Variants in DEUP1 observed in about 807,000 individuals in gnomAD.
The protein encoded by DEUP1 is coiled-coil domain containing 67.
A neutral mutation model predicts 87.4 loss-of-function variants in DEUP1; 82 were observed. The ratio of observed to expected loss-of-function variants is 0.94; its 90% CI spans 0.78 to 1.13. The LOEUF (loss-of-function observed/expected upper bound fraction) is 1.13, where lower values mean the gene tolerates loss of function less well. DEUP1 is among the 50% of genes most tolerant of loss of function. The pLI, the probability that DEUP1 is intolerant of heterozygous loss-of-function variation, is 0.00. For missense variants in DEUP1, 663 were observed against 681.5 expected (o/e 0.97, Z 0.30); for synonymous variants, 214 against 222.7 (o/e 0.96, Z 0.35).
chr11:93,332,549 C>T (rs1489365019), intron 2 of DEUP1, among the ~76,000 whole-genome samples: 2 of 152,136 alleles, frequency 1.3e-5, no homozygotes, highest in Admixed American at 6.5e-5. Context: ...GTGGTGGATG[C>T]GGAGGCAGGC....
intron 2 of DEUP1, among the ~76,000 whole-genome samples, chr11:93,337,553 C>T (rs1943835395): frequency 6.6e-6 from 1 of 152,272 alleles, no homozygotes; most frequent in South Asian, 2.1e-4. Flanking sequence ...GTATATTCCT[C>T]CCCAGAGTAA....
intron 2 of DEUP1, among the ~76,000 whole-genome samples, chr11:93,354,716 T>G (rs1322543124): frequency 1.3e-5 from 2 of 152,162 alleles, no homozygotes; most frequent in Non-Finnish European, 2.9e-5. Flanking sequence ...CTCATGAGAC[T>G]TAGTCACTAT....
Position 93,364,281 on chromosome 11 carries a change from A to T in DEUP1, c.419A>T (p.Asn140Ile). The change falls in exon 5 of 14, where the codon AAC (asparagine) becomes ATC (isoleucine). Residue 140 changes from asparagine to isoleucine, a missense_variant. Coordinates refer to ENST00000298050, the MANE Select transcript of DEUP1 (RefSeq NM_181645.4). ...EEIPFELSNLNQKLEEFRAKS... is the reference protein window; with the variant it reads ...EEIPFELSNLIQKLEEFRAKS... ...ATACCCTTTGAACTGAGCAATTTGA[A>T]CCAGAAATTAGAGGTGAGATATATT... 1 of 1,608,468 alleles carries T rather than the reference A, an allele frequency of 6.2e-7. No individual in the cohort carries two copies. The highest frequency in any genetic ancestry group is 1.1e-5 in the South Asian group (1 of 90,630).
At chr11:93,370,317 T>C in intron 6 of DEUP1, 131 bp downstream of exon 6, 1 of 584,980 alleles carries the variant, frequency 1.7e-6, no homozygotes, top group Non-Finnish European at 3.0e-6. Flanking sequence ...CAAAGGTGGG[T>C]ACAGTCACAA....
rs376905531 is a variant in DEUP1, at chr11:93,355,484, A to G, written c.143A>G (p.Asp48Gly). The G allele has an allele frequency of 6.2e-7, 1 of 1,613,846 alleles. No individual in the cohort carries two copies. The highest frequency in any genetic ancestry group is 8.5e-7 in the Non-Finnish European group (1 of 1,179,826). ...RKMRALETRL[D>G]LRDQELANAQ... Reference sequence around the variant, plus strand: ...ATGCGGGCTTTGGAGACACGATTAGATCTTCGGGATCAAGAATTGGCAAAT... The same window carrying G: ...ATGCGGGCTTTGGAGACACGATTAGGTCTTCGGGATCAAGAATTGGCAAAT... Residue 48 changes from aspartate to glycine, a missense_variant, in exon 3 of 14, where the codon GAT becomes GGT. Transcript: ENST00000298050.
chr11:93,387,740 A>T (rs1946628440), intron 8 of DEUP1, among the ~76,000 whole-genome samples: 1 of 152,130 alleles, frequency 6.6e-6, no homozygotes, highest in African/African-American at 2.4e-5. Flanking sequence ...TTTTTCACTC[A>T]TTTCAAATTA....
intron 9 of DEUP1, among the ~76,000 whole-genome samples, chr11:93,393,823 A>G (rs1591215972): frequency 6.6e-6 from 1 of 152,212 alleles, no homozygotes; most frequent in East Asian, 1.9e-4. Flanking sequence ...GACAGAATTC[A>G]TTGCCTGACC....
intron 13 of DEUP1, among the ~76,000 whole-genome samples, chr11:93,429,818 T>A (rs535253098): frequency 1.3e-5 from 2 of 152,150 alleles, no homozygotes; most frequent in South Asian, 4.1e-4. Flanking sequence ...AATTCTACAT[T>A]ACTCTTTTAA....
chr11:93,417,584 T>C (rs1391239709), intron 13 of DEUP1, among the ~76,000 whole-genome samples: 1 of 152,154 alleles, frequency 6.6e-6, no homozygotes, highest in Admixed American at 6.5e-5. Context: ...AGAATCAATA[T>C]CATGAAAATG....
intron 13 of DEUP1, among the ~76,000 whole-genome samples, chr11:93,427,289 G>A (rs1016091088): frequency 9.3e-5 from 14 of 151,330 alleles, no homozygotes; most frequent in African/African-American, 3.2e-4. Flanking sequence ...ATAGATCAAT[G>A]GAACATAACA....
chr11:93,394,641 G>A lies in DEUP1; in HGVS notation c.1224G>A (p.Met408Ile). 3 of 1,610,520 alleles carry A rather than the reference G, an allele frequency of 1.9e-6. No homozygotes were observed. Among genetic ancestry groups the A allele is most frequent in the Admixed American group, 1.7e-5 (1 of 59,456 alleles). ...LKMELEIKEK[M>I]LAKQKVSDMK... ...TGGAATTAGAAATAAAAGAAAAAAT[G>A]TTAGCAAAACAAAAGGTATGCAAGC... Residue 408 changes from methionine to isoleucine, a missense_variant, in exon 10 of 14, where the codon ATG (methionine) becomes ATA (isoleucine). Transcript: ENST00000298050.
intron 4 of DEUP1, among the ~76,000 whole-genome samples, chr11:93,362,963 C>A (rs1945243748): frequency 6.6e-6 from 1 of 151,678 alleles, no homozygotes; most frequent in African/African-American, 2.4e-5. Flanking sequence ...CACCATTGTT[C>A]ATAGCATTAT....
chr11:93,388,748 A>G (rs764373780), intron 8 of DEUP1, among the ~76,000 whole-genome samples: 2 of 152,244 alleles, frequency 1.3e-5, no homozygotes, highest in African/African-American at 2.4e-5. Context: ...TCTTATCTAC[A>G]TATGCAATCC....
intron 11 of DEUP1, among the ~76,000 whole-genome samples, chr11:93,398,617 C>T (rs1431023292): frequency 6.6e-6 from 1 of 152,034 alleles, no homozygotes; most frequent in African/African-American, 2.4e-5. Flanking sequence ...CCCTGAGTAC[C>T]AGGTGAACAT....
chr11:93,360,149 A>G (rs1186399882), intron 4 of DEUP1, among the ~76,000 whole-genome samples: 1 of 152,176 alleles, frequency 6.6e-6, no homozygotes, highest in African/African-American at 2.4e-5. Flanking sequence ...TGCCCCTTCA[A>G]TCAAAGTGTA....
intron 13 of DEUP1, among the ~76,000 whole-genome samples, chr11:93,435,935 G>A (rs1948234066): frequency 6.6e-6 from 1 of 151,050 alleles, no homozygotes; most frequent in South Asian, 2.1e-4. Flanking sequence ...GGTGGAGCTT[G>A]CAGTGAGCCG....
chr11:93,389,197 A>T, intron 9 of DEUP1, 72 bp downstream of exon 9: 1 of 855,742 alleles, frequency 1.2e-6, no homozygotes, highest in Non-Finnish European at 1.8e-6. Flanking sequence ...GTTAAAAAAA[A>T]ATCTTTCTTC....
At chr11:93,419,235 A>G (rs1478775779) in intron 13 of DEUP1, among the ~76,000 whole-genome samples, 5 of 151,968 alleles carry the variant, frequency 3.3e-5, no homozygotes, top group African/African-American at 1.2e-4. Flanking sequence ...AGACAGGCAG[A>G]TCCCCACACT....
chr11:93,333,636 G>A (rs1943599107), intron 2 of DEUP1, among the ~76,000 whole-genome samples: 1 of 152,208 alleles, frequency 6.6e-6, no homozygotes, highest in South Asian at 2.1e-4. Flanking sequence ...GGATATTGCT[G>A]AAAAACTAGC....
Sources: gnomAD v4.1 joint callset for allele counts (sites outside exome capture counted in the v4.1 genomes callset) on GRCh38, gnomAD v4.1.1 for gene constraint, MANE v1.5 for transcripts, NCBI Gene and HGNC (gene_info 2026-07-23, HGNC 2026-07-21) for gene names.